EFCAB13: variants seen among roughly 807,000 people sequenced by gnomAD.
The protein encoded by EFCAB13 is EF-hand calcium binding domain 13.
A neutral mutation model predicts 110.2 loss-of-function variants in EFCAB13; 91 were observed. The ratio of observed to expected loss-of-function variants is 0.83; its 90% confidence interval spans 0.70 to 0.98. The LOEUF (loss-of-function observed/expected upper bound fraction) is 0.98. Ranked by LOEUF, EFCAB13 falls within the 50% of genes least tolerant of loss-of-function variation. The pLI, the probability that EFCAB13 is intolerant of heterozygous loss-of-function variation, is 0.00. For synonymous variants in EFCAB13, 323 were observed against 369.9 expected, an observed-to-expected ratio of 0.87 and a Z score of 1.45; for missense variants, 968 against 1,119.4, an observed-to-expected ratio of 0.86 and a Z score of 1.93.
At chr17:47,393,954 T>G in intron 15 of EFCAB13, 71 bp from the exon 16 acceptor site, 2 of 788,216 alleles carry the variant, frequency 2.5e-6, no homozygotes, top group Non-Finnish European at 2.0e-6. Context: ...TATAACGTAT[T>G]TTATATAATT....
chr17:47,398,110 G>C (rs1205442101), intron 17 of EFCAB13, among the ~76,000 whole-genome samples: 1 of 146,578 alleles, frequency 6.8e-6, no homozygotes, highest in Non-Finnish European at 1.5e-5. Flanking sequence ...CGGGAGGGAG[G>C]TGGGGGGGTC....
chr17:47,432,449 C>T lies in EFCAB13; in HGVS notation c.2638+2488C>T, dbSNP rs554937292. Among the ~76,000 whole-genome samples, 5 of 122,514 alleles carry T rather than the reference C, an allele frequency of 4.1e-5. No individual in the cohort carries two copies. In the East Asian group the frequency reaches 8.6e-4, roughly 21 times the overall value. 80.4% of individuals were successfully genotyped at this position (122,514 alleles called of 152,430 possible). On this transcript the variant is annotated intron_variant, in intron 24 of 24. Transcript: ENST00000331493. ...AAATAAATAAATAAATAAATTAGCT[C>T]GGTGTGATAGCGTGAGCCTGTAGTC...
rs755600271 is a variant in EFCAB13, at chr17:47,412,902, G to T, written c.2408G>T (p.Cys803Phe). Reference protein sequence around the residue: ...TEEDFNEALNCCNVSDNMEVD... With the variant: ...TEEDFNEALNFCNVSDNMEVD... ...GAGGACTTCAATGAAGCCCTTAACT[G>T]TTGTAACGTCAGTGGTGAGCATTTT... Residue 803 changes from cysteine (C) to phenylalanine (F), a missense_variant, in exon 22 of 25, where the codon TGT becomes TTT. Physicochemically the swap from Cys to Phe is radical, Grantham distance 205. Coordinates refer to ENST00000331493, the MANE Select transcript of EFCAB13 (RefSeq NM_152347.5). The T allele has an allele frequency of 3.7e-6, 6 of 1,611,656 alleles. No homozygotes were observed. Among genetic ancestry groups the T allele is most frequent in the Non-Finnish European group, 5.1e-6 (6 of 1,179,144 alleles).
chr17:47,409,471 A>C, intron 20 of EFCAB13, 176 bp from the exon 21 acceptor site: 1 of 587,518 alleles, frequency 1.7e-6, no homozygotes, highest in Admixed American at 2.4e-5. Flanking sequence ...GCAAAGAGTG[A>C]GGAGAGAATG....
chr17:47,382,611 T>G (rs934958864), intron 14 of EFCAB13, among the ~76,000 whole-genome samples: 1 of 152,102 alleles, frequency 6.6e-6, no homozygotes, highest in African/African-American at 2.4e-5. Flanking sequence ...TCTATTGAGA[T>G]AATCATGTGG....
intron 15 of EFCAB13, 92 bp downstream of exon 15, chr17:47,391,672 T>A (rs2065708669): frequency 4.3e-6 from 5 of 1,171,788 alleles, no homozygotes; most frequent in Non-Finnish European, 2.3e-6. Flanking sequence ...CTAATTTTTT[T>A]ATTATAAAAA....
chr17:47,344,922 A>T, intron 7 of EFCAB13, 94 bp from the exon 8 acceptor site: 1 of 909,554 alleles, frequency 1.1e-6, no homozygotes, highest in Non-Finnish European at 1.8e-6. Flanking sequence ...AAAGGTTCTT[A>T]TGAATCTCAG....
intron 4 of EFCAB13, among the ~76,000 whole-genome samples, chr17:47,330,241 TC>T (rs1256646649): frequency 6.6e-6 from 1 of 151,970 alleles, no homozygotes; most frequent in East Asian, 1.9e-4. Flanking sequence ...CAATATAGCT[TC>T]TTTTTTTTTA....
At chr17:47,328,229 T>C in intron 3 of EFCAB13, 40 bp from the exon 4 acceptor site, 1 of 865,232 alleles carries the variant, frequency 1.2e-6, no homozygotes, top group Non-Finnish European at 1.9e-6. Context: ...TTAAGTGTTC[T>C]AAACAAGCGT....
chr17:47,349,799 G>T (rs1485956834), intron 9 of EFCAB13, among the ~76,000 whole-genome samples: 2 of 115,792 alleles, frequency 1.7e-5, no homozygotes, highest in African/African-American at 3.4e-5. Context: ...ACGGAGTCTC[G>T]CTCTGTCGCC....
At chr17:47,350,501 G>C (rs2065443272) in intron 9 of EFCAB13, among the ~76,000 whole-genome samples, 1 of 151,932 alleles carries the variant, frequency 6.6e-6, no homozygotes, top group African/African-American at 2.4e-5. Context: ...CTTTATCACA[G>C]AACCTTTCCC....
chr17:47,438,498 CT>C (rs112384926), intron 24 of EFCAB13, among the ~76,000 whole-genome samples: 11,689 of 142,266 alleles, frequency 0.082, 562 homozygotes, highest in East Asian at 0.28. Context: ...TAGTCTTATT[CT>C]TTTTTTTTTT....
In EFCAB13 at chr17:47,440,073, A is replaced by G. The variant is rs561531695; in HGVS notation, c.2639-358A>G. Among the ~76,000 whole-genome samples the G allele has an allele frequency of 2.6e-3, 395 of 152,192 alleles. 4 individuals carry two copies. The highest frequency in any genetic ancestry group is 9.3e-3 in the African/African-American group (386 of 41,530). ...TATTTATTCTGTAGTTTTGTAGGCA[A>G]TTAGGAGCTACTGAAGGGTTTTATG... On this transcript the variant is annotated intron_variant, in intron 24 of 24. Transcript: ENST00000331493.
intron 4 of EFCAB13, among the ~76,000 whole-genome samples, chr17:47,330,199 T>TG (rs967938487): frequency 4.0e-5 from 6 of 148,824 alleles, no homozygotes; most frequent in African/African-American, 7.4e-5. Context: ...TATTTCTTTT[T>TG]GGGGGGGTGG....
At chr17:47,362,607 C>G (rs2065521688) in intron 10 of EFCAB13, among the ~76,000 whole-genome samples, 1 of 152,202 alleles carries the variant, frequency 6.6e-6, no homozygotes, top group Admixed American at 6.5e-5. Context: ...ATCCGGAGGC[C>G]TAACCGTCTC....
chr17:47,391,609 A>G, intron 15 of EFCAB13, 29 bp downstream of exon 15: 2 of 1,533,702 alleles, frequency 1.3e-6, no homozygotes, highest in South Asian at 1.4e-5. Context: ...GGCAAACTGC[A>G]TTGACACATC....
At chr17:47,370,384 A>G in intron 10 of EFCAB13, 53 bp from the exon 11 acceptor site, 10 of 1,179,066 alleles carry the variant, frequency 8.5e-6, no homozygotes, top group East Asian at 2.4e-5. Context: ...ATAGGATGGC[A>G]GATATATCTA....
At chr17:47,331,167 A>G (rs1440705151) in intron 4 of EFCAB13, among the ~76,000 whole-genome samples, 2 of 152,042 alleles carry the variant, frequency 1.3e-5, no homozygotes, top group Non-Finnish European at 1.5e-5. Context: ...AATTCTGGAT[A>G]TTAGTCCTTT....
chr17:47,325,803 CT>C lies in EFCAB13; in HGVS notation c.-247-413del, dbSNP rs202177177. On this transcript the variant is annotated intron_variant, in intron 2 of 24. Transcript: ENST00000331493. ...ATTTCATATTCCCCTCCCTGCTTTA[CT>C]TTTTTTTTTGTACTTATTGCAGATA... is the stretch of plus-strand genomic sequence containing the variant. Among the ~76,000 whole-genome samples the C allele has an allele frequency of 7.0e-3, 1,006 of 144,494 alleles. 46 individuals carry two copies. The highest frequency in any genetic ancestry group is 0.062 in the Admixed American group (901 of 14,490). The allele number at this position is 144,494 out of a possible 152,430, so 94.8% of individuals were successfully genotyped here.
Sources: allele counts gnomAD v4.1 joint callset (sites outside exome capture counted in the v4.1 genomes callset), GRCh38; gene constraint gnomAD v4.1.1; transcripts MANE v1.5; gene names NCBI Gene and HGNC (gene_info 2026-07-23, HGNC 2026-07-21).